CDK14: variants seen among roughly 807,000 people sequenced by gnomAD.
CDK14 encodes the protein cyclin-dependent kinase 14.
CDK14 carries 34 observed loss-of-function variants against 60.7 expected under a neutral mutation model. The ratio of observed to expected loss-of-function variants is 0.56; its 90% CI spans 0.43 to 0.75. The LOEUF (loss-of-function observed/expected upper bound fraction) is 0.75. Ranked by LOEUF, CDK14 falls within the 30% of genes least tolerant of loss-of-function variation. The probability of loss-of-function intolerance (pLI) is 0.00; values close to 1 mark genes in which losing one functional copy is unlikely to be tolerated. For missense variants in CDK14, 482 were observed against 564.1 expected (o/e 0.85, Z 1.47); for synonymous variants, 197 against 203.7 (o/e 0.97, Z 0.28).
intron 5 of CDK14, among the ~76,000 whole-genome samples, chr7:90,816,873 A>G (rs1258597926): frequency 6.6e-6 from 1 of 152,194 alleles, no homozygotes; most frequent in African/African-American, 2.4e-5. Context: ...ATCTGTTCCC[A>G]CCATTTTACA....
intron 12 of CDK14, among the ~76,000 whole-genome samples, chr7:91,101,037 T>A (rs940051874): frequency 1.3e-5 from 2 of 152,074 alleles, no homozygotes; most frequent in Admixed American, 6.5e-5. Flanking sequence ...AAGGCTGGAC[T>A]CTCCCCATTG....
At chr7:90,599,182 G>A (rs994167013) in intron 1 of CDK14, among the ~76,000 whole-genome samples, 2 of 152,202 alleles carry the variant, frequency 1.3e-5, no homozygotes, top group Non-Finnish European at 2.9e-5. Context: ...ACTCAGTTTC[G>A]TTGTTGGCTT....
intron 14 of CDK14, among the ~76,000 whole-genome samples, chr7:91,191,444 T>G (rs537694802): frequency 1.5e-4 from 23 of 152,076 alleles, no homozygotes; most frequent in Non-Finnish European, 3.2e-4. Context: ...TTAAACTTCC[T>G]TAGCTTAATT....
intron 10 of CDK14, among the ~76,000 whole-genome samples, chr7:91,043,769 A>C (rs1797157432): frequency 6.6e-6 from 1 of 152,194 alleles, no homozygotes; most frequent in Admixed American, 6.5e-5. Context: ...GAGTCTTAAA[A>C]GAATTTTTAT....
chr7:91,176,262 G>T (rs148654546), intron 14 of CDK14, among the ~76,000 whole-genome samples: 1,670 of 152,290 alleles, frequency 0.011, 7 homozygotes, highest in Middle Eastern at 0.024. Flanking sequence ...TGAACGCAAC[G>T]AGAGCAAAGA....
intron 3 of CDK14, among the ~76,000 whole-genome samples, chr7:90,732,757 G>A (rs1802921627): frequency 6.6e-6 from 1 of 152,032 alleles, no homozygotes; most frequent in African/African-American, 2.4e-5. Context: ...CTGGCTAGAG[G>A]TCTATCTATT....
At chr7:91,043,213 T>G (rs1797137274) in intron 10 of CDK14, among the ~76,000 whole-genome samples, 1 of 152,230 alleles carries the variant, frequency 6.6e-6, no homozygotes, top group Admixed American at 6.5e-5. Context: ...ACAAAAAAGT[T>G]TTGCTAACGC....
At chr7:90,966,571 T>A (rs542166423) in intron 9 of CDK14, among the ~76,000 whole-genome samples, 12 of 152,116 alleles carry the variant, frequency 7.9e-5, no homozygotes, top group Non-Finnish European at 1.6e-4. Flanking sequence ...CACACTTGAT[T>A]TCCCTTTTTT....
At chr7:90,893,656 T>C (rs902412658) in intron 6 of CDK14, among the ~76,000 whole-genome samples, 4 of 152,206 alleles carry the variant, frequency 2.6e-5, no homozygotes, top group Admixed American at 2.0e-4. Context: ...TATAATATAA[T>C]GAAATTTGTA....
intron 10 of CDK14, among the ~76,000 whole-genome samples, chr7:90,997,740 A>C (rs1795724729): frequency 6.6e-6 from 1 of 152,244 alleles, no homozygotes; most frequent in Non-Finnish European, 1.5e-5. Flanking sequence ...TATTATTCAT[A>C]ATAAAATGAA....
intron 14 of CDK14, among the ~76,000 whole-genome samples, chr7:91,142,422 C>T (rs978084674): frequency 1.3e-5 from 2 of 152,158 alleles, no homozygotes. Context: ...GTTTAACTTT[C>T]AGTGGAGGAA....
intron 14 of CDK14, among the ~76,000 whole-genome samples, chr7:91,145,685 C>T (rs950228960): frequency 2.0e-5 from 3 of 152,212 alleles, no homozygotes; most frequent in Non-Finnish European, 4.4e-5. Flanking sequence ...AGTGAGCAGG[C>T]ATAACTGTCT....
chr7:90,974,473 A>G (rs1194734308), intron 9 of CDK14, among the ~76,000 whole-genome samples: 2 of 152,122 alleles, frequency 1.3e-5, no homozygotes, highest in African/African-American at 4.8e-5. Context: ...TTCACAATTT[A>G]TGTTCTTCTG....
chr7:91,209,199 T>G lies in CDK14; in HGVS notation c.*2063T>G, dbSNP rs1381635309. 2 of 152,356 alleles carry G rather than the reference T, an allele frequency of 1.3e-5. No individual in the cohort carries two copies. Among genetic ancestry groups the G allele is most frequent in the East Asian group, 1.9e-4 (1 of 5,184 alleles). The allele number at this position is 152,356 out of a possible 1,614,324, so 9.4% of individuals were successfully genotyped here. A position where few individuals can be genotyped will look rare whatever the true frequency, so the allele number is the denominator to read the frequency against. ...TTTTAACTTGAAAATTTGAAAATAT[T>G]TAATGTTGAAAGACTTCAATTAGGG... is the stretch of plus-strand genomic sequence containing the variant. On this transcript the variant is annotated 3_prime_UTR_variant, in exon 15 of 15. Coordinates refer to ENST00000380050, the MANE Select transcript of CDK14 (RefSeq NM_001287135.2).
At chr7:90,878,173 G>A (rs1791627366) in intron 6 of CDK14, among the ~76,000 whole-genome samples, 1 of 152,030 alleles carries the variant, frequency 6.6e-6, no homozygotes, top group East Asian at 1.9e-4. Flanking sequence ...GTCTTATAGA[G>A]TATATCAGAC....
chr7:90,806,925 C>T (rs1788867873), intron 5 of CDK14, among the ~76,000 whole-genome samples: 2 of 152,230 alleles, frequency 1.3e-5, no homozygotes, highest in African/African-American at 2.4e-5. Flanking sequence ...GGGGGAGGGG[C>T]ACCCGCCATT....
At chr7:90,674,817 C>A (rs568960989) in intron 2 of CDK14, among the ~76,000 whole-genome samples, 9 of 152,272 alleles carry the variant, frequency 5.9e-5, no homozygotes, top group Non-Finnish European at 5.9e-5. Flanking sequence ...CTCAGCACAC[C>A]CAGTCTGGCT....
intron 11 of CDK14, among the ~76,000 whole-genome samples, chr7:91,046,564 A>T (rs1033067422): frequency 6.6e-5 from 10 of 152,140 alleles, no homozygotes; most frequent in African/African-American, 2.2e-4. Flanking sequence ...TGTTTTAATA[A>T]TTACACTTAA....
At chr7:91,086,535 G>GA (rs1426421942) in intron 12 of CDK14, among the ~76,000 whole-genome samples, 1 of 152,076 alleles carries the variant, frequency 6.6e-6, no homozygotes, top group African/African-American at 2.4e-5. Context: ...ACTCTACTCA[G>GA]AAAACACCGT....
Sources: allele counts gnomAD v4.1 joint callset (sites outside exome capture counted in the v4.1 genomes callset), GRCh38; gene constraint gnomAD v4.1.1; transcripts MANE v1.5; gene names NCBI Gene and HGNC (gene_info 2026-07-23, HGNC 2026-07-21).